The following NPSR1 variants were observed in gnomAD, a reference collection of about 807,000 sequenced individuals.
NPSR1 encodes the protein neuropeptide S receptor.
NPSR1 carries 48 observed loss-of-function variants against 46.9 expected under a neutral mutation model. The ratio of observed to expected loss-of-function variants is 1.02; its 90% CI spans 0.81 to 1.30. The LOEUF (loss-of-function observed/expected upper bound fraction) is 1.30. Among genes scored for constraint, NPSR1 ranks in the 50% most tolerant of loss-of-function variants. The probability of loss-of-function intolerance (pLI) is 0.00; values close to 1 mark genes in which losing one functional copy is unlikely to be tolerated. For missense variants in NPSR1, 450 were observed against 449.5 expected (o/e 1.00, Z -0.01); for synonymous variants, 176 against 168.1 (o/e 1.05, Z -0.36).
At chr7:34,765,821 G>A (rs912565775) in intron 2 of NPSR1, among the ~76,000 whole-genome samples, 1 of 152,172 alleles carries the variant, frequency 6.6e-6, no homozygotes, top group African/African-American at 2.4e-5. Flanking sequence ...AATGCCACAT[G>A]TTCTCATTTA....
In NPSR1 at chr7:34,823,417, C is replaced by CAAAAAAAAAAAAAAAAAAAAAAAAAAAAA. The variant is rs79081202; in HGVS notation, c.479-3982_479-3981insAAAAAAAAAAAAAAAAAAAAAAAAAAAAA. 3.8e-5 allele frequency among the ~76,000 whole-genome samples: 4 copies of CAAAAAAAAAAAAAAAAAAAAAAAAAAAAA among 103,958 alleles called. 1 individual carries two copies. Among genetic ancestry groups the CAAAAAAAAAAAAAAAAAAAAAAAAAAAAA allele is most frequent in the Non-Finnish European group, 7.4e-5 (4 of 53,812 alleles). The allele number at this position is 103,958 out of a possible 152,430, so 68.2% of individuals were successfully genotyped here. The stretch of plus-strand genomic sequence containing the variant: ...TTCACCAGAAAAAAAAAAAAAAAAA[C>CAAAAAAAAAAAAAAAAAAAAAAAAAAAAA]AACACCATAAATGAATAGAAAATGT... On this transcript the variant is annotated intron_variant, in intron 4 of 8. Coordinates refer to ENST00000360581, the MANE Select transcript of NPSR1 (RefSeq NM_207172.2).
chr7:34,774,369 C>A (rs1786843919), intron 2 of NPSR1, among the ~76,000 whole-genome samples: 2 of 152,160 alleles, frequency 1.3e-5, no homozygotes, highest in African/African-American at 4.8e-5. Flanking sequence ...GCTCATGCAG[C>A]CTCTTCATGC....
intron 3 of NPSR1, among the ~76,000 whole-genome samples, chr7:34,789,739 G>A (rs1437382947): frequency 1.4e-4 from 5 of 35,884 alleles, no homozygotes; most frequent in Non-Finnish European, 1.9e-4. Context: ...GTTGCAGTGC[G>A]CAAAAAAAAA....
chr7:34,665,389 A>G (rs2530567), intron 1 of NPSR1, among the ~76,000 whole-genome samples: 46,422 of 152,068 alleles, frequency 0.31, 8,556 homozygotes, highest in African/African-American at 0.53. Context: ...TAATTACCTC[A>G]ATAGGCAACA....
intron 2 of NPSR1, among the ~76,000 whole-genome samples, chr7:34,698,863 T>A (rs1793676171): frequency 6.6e-6 from 1 of 152,178 alleles, no homozygotes; most frequent in Non-Finnish European, 1.5e-5. Context: ...TTTATTAGTA[T>A]AATTTTTAAA....
intron 2 of NPSR1, among the ~76,000 whole-genome samples, chr7:34,716,636 T>G (rs1203081259): frequency 6.6e-6 from 1 of 152,210 alleles, no homozygotes; most frequent in Non-Finnish European, 1.5e-5. Flanking sequence ...ATGTGAGTCC[T>G]CAATGAATGA....
intron 1 of NPSR1, among the ~76,000 whole-genome samples, chr7:34,664,557 C>T (rs540242891): frequency 1.3e-4 from 20 of 151,230 alleles, no homozygotes; most frequent in African/African-American, 4.6e-4. Context: ...AGGACAGCTT[C>T]GATATGCAGG....
intron 2 of NPSR1, among the ~76,000 whole-genome samples, chr7:34,767,299 CA>C (rs1786480476): frequency 6.6e-6 from 1 of 152,074 alleles, no homozygotes; most frequent in South Asian, 2.1e-4. Context: ...TAAATGATTT[CA>C]AAATAAACAC....
intron 2 of NPSR1, among the ~76,000 whole-genome samples, chr7:34,745,772 C>T (rs2128721223): frequency 6.6e-6 from 1 of 152,284 alleles, no homozygotes; most frequent in South Asian, 2.1e-4. Context: ...CCTTGGTCTC[C>T]CAAATTGCTG....
chr7:34,819,865 G>A (rs1471688038), intron 4 of NPSR1, among the ~76,000 whole-genome samples: 2 of 152,166 alleles, frequency 1.3e-5, no homozygotes, highest in Non-Finnish European at 2.9e-5. Context: ...GGTGGGAACT[G>A]AACAACGAAA....
chr7:34,860,553 A>C (rs750045036), intron 8 of NPSR1, among the ~76,000 whole-genome samples: 1 of 151,896 alleles, frequency 6.6e-6, no homozygotes, highest in Non-Finnish European at 1.5e-5. Flanking sequence ...AGTTTGACTT[A>C]ATAGAAGACA....
intron 2 of NPSR1, among the ~76,000 whole-genome samples, chr7:34,766,411 T>TATC (rs1177314633): frequency 2.0e-5 from 3 of 152,224 alleles, no homozygotes; most frequent in African/African-American, 4.8e-5. Context: ...TGAATGTTTA[T>TATC]ATCAGCCTTG....
chr7:34,742,634 T>C (rs1785003260), intron 2 of NPSR1, among the ~76,000 whole-genome samples: 1 of 152,246 alleles, frequency 6.6e-6, no homozygotes, highest in African/African-American at 2.4e-5. Context: ...AACATTTGTA[T>C]GCATGTGTCT....
At position 34,872,024 on chromosome 7, in the gene NPSR1, C is replaced by A. The variant is rs562291689; in HGVS notation, c.1026-6052C>A. ...GCTCCAATCCCACATTTCCCCCTGCCATTGCCCTAGTAGAGTTTCTCTGTT... is the reference window on the plus strand; with the variant it reads ...GCTCCAATCCCACATTTCCCCCTGCAATTGCCCTAGTAGAGTTTCTCTGTT... On this transcript the variant is annotated intron_variant, in intron 8 of 8. Transcript: ENST00000359791. Among the ~76,000 whole-genome samples, 122 of 152,060 alleles carry A rather than the reference C, an allele frequency of 8.0e-4. 1 individual carries two copies. Among genetic ancestry groups the A allele is most frequent in the Non-Finnish European group, 1.6e-3 (109 of 68,038 alleles).
chr7:34,863,199 C>T (rs1192806182), intron 8 of NPSR1, among the ~76,000 whole-genome samples: 1 of 151,712 alleles, frequency 6.6e-6, no homozygotes, highest in Non-Finnish European at 1.5e-5. Context: ...TGAAAGTGGA[C>T]CCGTTCCTTA....
At chr7:34,742,957 T>C (rs1785022651) in intron 2 of NPSR1, among the ~76,000 whole-genome samples, 1 of 152,260 alleles carries the variant, frequency 6.6e-6, no homozygotes, top group Non-Finnish European at 1.5e-5. Context: ...TGTCTTCTTT[T>C]GAAAAGTGTC....
At chr7:34,710,829 A>G (rs957200088) in intron 2 of NPSR1, 7 of 515,772 alleles carry the variant, frequency 1.4e-5, no homozygotes, top group African/African-American at 1.2e-4. Context: ...AAGGAATTTC[A>G]CAGAGCTGAA....
intron 2 of NPSR1, among the ~76,000 whole-genome samples, chr7:34,694,613 A>C (rs1170695232): frequency 6.6e-6 from 1 of 152,262 alleles, no homozygotes; most frequent in Non-Finnish European, 1.5e-5. Context: ...TACAGATTCA[A>C]CACAATCCCT....
intron 6 of NPSR1, among the ~76,000 whole-genome samples, chr7:34,835,594 G>A (rs1790327305): frequency 6.6e-6 from 1 of 152,128 alleles, no homozygotes; most frequent in African/African-American, 2.4e-5. Context: ...AAGACTGTGA[G>A]GCCACCAAGA....
Sources: gnomAD v4.1 joint callset for allele counts (sites outside exome capture counted in the v4.1 genomes callset) on GRCh38, gnomAD v4.1.1 for gene constraint, MANE v1.5 for transcripts, NCBI Gene and HGNC (gene_info 2026-07-23, HGNC 2026-07-21) for gene names.